YAP1: variants seen among roughly 807,000 people sequenced by gnomAD.
YAP1 encodes Yes1 associated transcriptional regulator.
YAP1 carries 5 observed loss-of-function variants against 56.9 expected under a neutral mutation model. The ratio of observed to expected loss-of-function variants is 0.09; its 90% CI spans 0.05 to 0.18. The LOEUF is 0.18. YAP1 is among the 10% of genes least tolerant of loss of function. The probability of loss-of-function intolerance (pLI) is 1.00; values close to 1 mark genes in which losing one functional copy is unlikely to be tolerated. For missense variants in YAP1, 539 were observed against 651.8 expected, an observed-to-expected ratio of 0.83 and a Z score of 1.88; for synonymous variants, 265 against 248.1, an observed-to-expected ratio of 1.07 and a Z score of -0.64.
chr11:102,211,223 A>G (rs1266182412), intron 6 of YAP1, among the ~76,000 whole-genome samples: 3 of 152,208 alleles, frequency 2.0e-5, no homozygotes, highest in Admixed American at 6.5e-5. Context: ...TGAATCTGAT[A>G]AATAAGTCAA....
At chr11:102,200,462 A>G (rs1446412431) in intron 4 of YAP1, among the ~76,000 whole-genome samples, 1 of 126,834 alleles carries the variant, frequency 7.9e-6, no homozygotes, top group South Asian at 2.5e-4. Context: ...TTTTTTTTTT[A>G]GACAAGAGTC....
At chr11:102,229,580 G>A (rs1277981105) in intron 8 of YAP1, 122 bp from the exon 9 acceptor site, 12 of 783,966 alleles carry the variant, frequency 1.5e-5, no homozygotes, top group South Asian at 3.9e-5. Context: ...TAAATTCTAG[G>A]TATCAGTTTA....
chr11:102,144,573 A>G (rs954924904), intron 2 of YAP1, among the ~76,000 whole-genome samples: 2 of 152,134 alleles, frequency 1.3e-5, no homozygotes, highest in Non-Finnish European at 2.9e-5. Context: ...CTATTTTTGT[A>G]AAGGGCTGTT....
At position 102,120,449 on chromosome 11, in the gene YAP1, T is replaced by C. The variant is rs773130048; in HGVS notation, c.572+6055T>C. On this transcript the variant is annotated intron_variant, in intron 2 of 8. Coordinates refer to ENST00000282441, the MANE Select transcript of YAP1 (RefSeq NM_001130145.3). ...ATTAATAAAATAGTGCAAATGGCAGTATCTATTATTTGGGTTTTCTTCTAC... is the reference window on the plus strand; with the variant it reads ...ATTAATAAAATAGTGCAAATGGCAGCATCTATTATTTGGGTTTTCTTCTAC... 9.2e-5 allele frequency among the ~76,000 whole-genome samples: 14 copies of C among 152,376 alleles called. No homozygotes were observed. In the East Asian group the frequency reaches 1.2e-3, roughly 13 times the overall value.
chr11:102,133,315 G>A (rs1205381634), intron 2 of YAP1, among the ~76,000 whole-genome samples: 3 of 151,744 alleles, frequency 2.0e-5, no homozygotes, highest in Non-Finnish European at 4.4e-5. Flanking sequence ...GGTTTTTTTG[G>A]GACAGAGTCT....
At chr11:102,160,651 A>G (rs993371754) in intron 2 of YAP1, among the ~76,000 whole-genome samples, 4 of 151,854 alleles carry the variant, frequency 2.6e-5, no homozygotes, top group Non-Finnish European at 4.4e-5. Flanking sequence ...CTCCCAAGCC[A>G]GAAGCTAAAA....
intron 2 of YAP1, among the ~76,000 whole-genome samples, chr11:102,151,435 C>G (rs1945652036): frequency 3.9e-5 from 6 of 152,214 alleles, no homozygotes; most frequent in Non-Finnish European, 8.8e-5. Flanking sequence ...GAGGCTGTCA[C>G]CTTTATGTGT....
At chr11:102,180,472 G>A (rs1947526924) in intron 3 of YAP1, among the ~76,000 whole-genome samples, 1 of 151,038 alleles carries the variant, frequency 6.6e-6, no homozygotes, top group Non-Finnish European at 1.5e-5. Context: ...CACAAGGTCA[G>A]GAGATCGAGA....
At chr11:102,177,657 CAG>C (rs1407443080) in intron 3 of YAP1, among the ~76,000 whole-genome samples, 1 of 124,330 alleles carries the variant, frequency 8.0e-6, no homozygotes, top group Non-Finnish European at 1.6e-5. Context: ...AGCCTGGCGA[CAG>C]AGTGAGACTC....
intron 5 of YAP1, 114 bp downstream of exon 5, chr11:102,206,188 CTGAG>C (rs1431985653): frequency 2.3e-6 from 3 of 1,279,828 alleles, no homozygotes; most frequent in Non-Finnish European, 3.2e-6. Context: ...CTTTGTAAAA[CTGAG>C]TGACACAGAA....
In YAP1 at chr11:102,114,584, G is replaced by A. The variant is rs545881397; in HGVS notation, c.572+190G>A. Among the ~76,000 whole-genome samples the A allele has an allele frequency of 3.3e-5, 5 of 151,984 alleles. No individual in the cohort carries two copies. In the South Asian group the frequency reaches 1.0e-3, roughly 31 times the overall value. On this transcript the variant is annotated intron_variant, in intron 2 of 8. Coordinates refer to ENST00000282441, the MANE Select transcript of YAP1 (RefSeq NM_001130145.3). Reference sequence around the variant, plus strand: ...TGACCTAAATACCTTTGTTAGTATGGGTAATATTTTGAAAGCTTTACTGAG... The same window carrying A: ...TGACCTAAATACCTTTGTTAGTATGAGTAATATTTTGAAAGCTTTACTGAG...
Position 102,219,503 on chromosome 11 carries a change from A to T in YAP1, c.1033-4119A>T, listed in dbSNP as rs528592987. ...GGAAGAAAGGCATGGTATTGAGAGG[A>T]TGTGTCCTCCCACAGACAGACTACA... On this transcript the variant is annotated intron_variant, in intron 6 of 8. Coordinates refer to ENST00000282441, the MANE Select transcript of YAP1 (RefSeq NM_001130145.3). 3.9e-5 allele frequency among the ~76,000 whole-genome samples: 6 copies of T among 152,232 alleles called. No individual in the cohort carries two copies. In the East Asian group the frequency reaches 9.7e-4, roughly 25 times the overall value.
chr11:102,226,166 A>G (rs1200608551), intron 7 of YAP1, among the ~76,000 whole-genome samples: 2 of 152,230 alleles, frequency 1.3e-5, no homozygotes, highest in Non-Finnish European at 2.9e-5. Context: ...GGCAAAATAC[A>G]AACAAACCAC....
At chr11:102,195,628 T>G (rs1414607610) in intron 4 of YAP1, among the ~76,000 whole-genome samples, 1 of 152,214 alleles carries the variant, frequency 6.6e-6, no homozygotes, top group South Asian at 2.1e-4. Context: ...TATGGTTTTA[T>G]AAGGGGCTTC....
chr11:102,228,331 C>T (rs1376607866), intron 8 of YAP1, among the ~76,000 whole-genome samples: 2 of 151,942 alleles, frequency 1.3e-5, no homozygotes, highest in Admixed American at 1.3e-4. Flanking sequence ...GGCTCACTTA[C>T]TTTGTTAGAA....
chr11:102,208,036 A>T (rs1949212948), intron 5 of YAP1, among the ~76,000 whole-genome samples: 1 of 152,210 alleles, frequency 6.6e-6, no homozygotes, highest in African/African-American at 2.4e-5. Flanking sequence ...TCAAAATTTC[A>T]TTAACCAGAG....
At position 102,183,449 on chromosome 11, in the gene YAP1, C is replaced by T. The variant is rs1947751259; in HGVS notation, c.689-2569C>T. Among the ~76,000 whole-genome samples, 2 of 152,048 alleles carry T rather than the reference C, an allele frequency of 1.3e-5. 1 individual carries two copies. The highest frequency in any genetic ancestry group is 4.1e-4 in the South Asian group (2 of 4,820). ...ATCGAAAATATTTTAAGAAGAGAAA[C>T]CCCTGGTGACTGATAGAGGACCTTG... On this transcript the variant is annotated intron_variant, in intron 3 of 8. Transcript: ENST00000282441.
At chr11:102,198,950 C>G (rs918609182) in intron 4 of YAP1, among the ~76,000 whole-genome samples, 1 of 151,674 alleles carries the variant, frequency 6.6e-6, no homozygotes, top group South Asian at 2.1e-4. Flanking sequence ...TTTTGTAAAT[C>G]ATAGGAATAT....
At chr11:102,140,230 A>C (rs983681862) in intron 2 of YAP1, among the ~76,000 whole-genome samples, 4 of 152,140 alleles carry the variant, frequency 2.6e-5, no homozygotes, top group Non-Finnish European at 5.9e-5. Flanking sequence ...TTCTGGAAAA[A>C]ATTCAATTTC....
Sources: gnomAD v4.1 joint callset for allele counts (sites outside exome capture counted in the v4.1 genomes callset) on GRCh38, gnomAD v4.1.1 for gene constraint, MANE v1.5 for transcripts, NCBI Gene and HGNC (gene_info 2026-07-23, HGNC 2026-07-21) for gene names.